Variants in SBNO2 observed in about 807,000 individuals in gnomAD.
The protein encoded by SBNO2 is strawberry notch homolog 2.
Under a neutral mutation model 146.3 loss-of-function variants are expected in SBNO2, and 89 were observed. That is an observed-to-expected ratio of 0.61 (90% CI 0.51 to 0.73). SBNO2 has a LOEUF of 0.73. Among genes scored for constraint, SBNO2 ranks in the 30% least tolerant of loss-of-function variants. SBNO2 has a pLI of 0.00. For synonymous variants in SBNO2, 1,147 were observed against 892.6 expected, an observed-to-expected ratio of 1.29 and a Z score of -5.08; for missense variants, 2,092 against 2,003.7, an observed-to-expected ratio of 1.04 and a Z score of -0.84.
chr19:1,129,585 C>T (rs2080005286), intron 4 of SBNO2, among the ~76,000 whole-genome samples: 1 of 152,190 alleles, frequency 6.6e-6, no homozygotes, highest in African/African-American at 2.4e-5. Context: ...GAGCATTCAT[C>T]CCACTGAGGC....
At chr19:1,128,873 C>T (rs1032220800) in intron 4 of SBNO2, among the ~76,000 whole-genome samples, 3 of 151,416 alleles carry the variant, frequency 2.0e-5, no homozygotes, top group Non-Finnish European at 4.4e-5. Flanking sequence ...GGGGCTGAGG[C>T]GGGAGGATCA....
Position 1,108,292 on chromosome 19 carries a change from C to G in SBNO2, c.4029G>C (p.Ala1343=), listed in dbSNP as rs781014228. Residue 1343 remains alanine (A), a synonymous_variant, in exon 32 of 32, where the codon GCG becomes GCC. Coordinates refer to ENST00000361757, the MANE Select transcript of SBNO2 (RefSeq NM_014963.3). ...LGEGAGAGGA[A]GGGPERQSVI... ...CGCTCTGCCGCTCGGGACCACCGCC[C>G]GCCGCGCCCCCCGCCCCCGCGCCCT... is the stretch of plus-strand genomic sequence containing the variant. The G allele has an allele frequency of 2.1e-4, 308 of 1,496,908 alleles. No homozygotes were observed. Among genetic ancestry groups the G allele is most frequent in the Admixed American group, 6.6e-4 (31 of 46,966 alleles). 92.7% of individuals were successfully genotyped at this position (1,496,908 alleles called of 1,614,324 possible).
Position 1,112,548 on chromosome 19 carries a change from A to G in SBNO2, c.2380-11T>C, listed in dbSNP as rs762741722. On this transcript the variant is annotated splice_polypyrimidine_tract_variant and intron_variant, in intron 20 of 31. Coordinates refer to ENST00000361757, the MANE Select transcript of SBNO2 (RefSeq NM_014963.3). This position sits in a 1 kb window ranked among gnomAD's most constrained non-coding sequence, Gnocchi z 5.9. ...GATGATGGCCACGAGCTAGGGGGAA[A>G]GAAGGGGCCGGGACACGGTTGGTGC... 2 of 1,593,268 alleles carry G rather than the reference A, an allele frequency of 1.3e-6. No homozygotes were observed. The highest frequency in any genetic ancestry group is 8.5e-7 in the Non-Finnish European group (1 of 1,174,870).
In SBNO2 at chr19:1,108,677, C is replaced by G; in HGVS notation, c.3644G>C (p.Arg1215Pro). 2.0e-6 allele frequency: 3 copies of G among 1,532,736 alleles called. No individual in the cohort carries two copies. The highest frequency in any genetic ancestry group is 2.6e-6 in the Non-Finnish European group (3 of 1,147,882). The allele number at this position is 1,532,736 out of a possible 1,614,324, so 94.9% of individuals were successfully genotyped here. Residue 1215 changes from arginine (R) to proline (P), a missense_variant, in exon 32 of 32, where the codon CGC becomes CCC. Coordinates refer to ENST00000361757, the MANE Select transcript of SBNO2 (RefSeq NM_014963.3). ...CAGCCGCAGCTCCTGCAGCACCCGG[C>G]GCACGCAGCCCTCGGGGATCTTGAT... The part of the protein sequence containing the change: ...VGIKIPEGCV[R>P]RVLQELRLMD...
rs982944361 is a variant in SBNO2 at position 1,144,697 on chromosome 19, CAG to C, written c.279+2610_279+2611del. On this transcript the variant is annotated intron_variant, in intron 4 of 31. Coordinates refer to ENST00000361757, the MANE Select transcript of SBNO2 (RefSeq NM_014963.3). This position sits in a 1 kb window ranked among gnomAD's most constrained non-coding sequence, Gnocchi z 4.1. ...ACGAAGACAGAGAGGGCGACAGAGACAGAGAGGGAAACAGACACAGAGGCAGA... is the reference window on the plus strand; with the variant it reads ...ACGAAGACAGAGAGGGCGACAGAGACAGAGGGAAACAGACACAGAGGCAGA... Among the ~76,000 whole-genome samples the C allele has an allele frequency of 7.2e-6, 1 of 138,834 alleles. No homozygotes were observed. Among genetic ancestry groups the C allele is most frequent in the East Asian group, 2.2e-4 (1 of 4,620 alleles). The allele number at this position is 138,834 out of a possible 152,430, so 91.1% of individuals were successfully genotyped here.
In SBNO2 at chr19:1,109,361, C is replaced by G. The variant is rs1054165729; in HGVS notation, c.3279G>C (p.Val1093=). The G allele has an allele frequency of 1.3e-6, 2 of 1,588,128 alleles. No individual in the cohort carries two copies. Among genetic ancestry groups the G allele is most frequent in the Non-Finnish European group, 8.6e-7 (1 of 1,168,272 alleles). ...AEQNRGQFFT[V]YKPNIGRQSQ... ...TCTGCCGGCCGATGTTGGGCTTGTA[C>G]ACCGTGAAGAACTGGCCGCGGTTCT... is the stretch of plus-strand genomic sequence containing the variant. Residue 1093 remains valine, a synonymous_variant, in exon 29 of 32, where the codon GTG becomes GTC. Transcript: ENST00000361757. This position sits in a 1 kb window ranked among gnomAD's most constrained non-coding sequence, Gnocchi z 4.2.
At position 1,150,714 on chromosome 19, in the gene SBNO2, T is replaced by TC. The variant is rs1276885772; in HGVS notation, c.94-1273dup. On this transcript the variant is annotated intron_variant, in intron 2 of 31. Transcript: ENST00000361757. This position sits in a 1 kb window ranked among gnomAD's most constrained non-coding sequence, Gnocchi z 6.2. ...TCTCCCAGGCCCACGTGAGCCCTGCTCCTCTATGAGGCCCTGATGCAATTC... is the reference window on the plus strand; with the variant it reads ...TCTCCCAGGCCCACGTGAGCCCTGCTCCCTCTATGAGGCCCTGATGCAATTC... Among the ~76,000 whole-genome samples, 1 of 152,076 alleles carries TC rather than the reference T, an allele frequency of 6.6e-6. No homozygotes were observed. The highest frequency in any genetic ancestry group is 1.5e-5 in the Non-Finnish European group (1 of 67,982).
intron 1 of SBNO2, among the ~76,000 whole-genome samples, chr19:1,167,795 C>T (rs2080440145): frequency 1.3e-5 from 2 of 152,324 alleles, no homozygotes; most frequent in South Asian, 4.1e-4. Context: ...AGGTCTCAGC[C>T]TGCGGTCAGG....
intron 4 of SBNO2, among the ~76,000 whole-genome samples, chr19:1,133,630 G>A (rs2080056664): frequency 6.6e-6 from 1 of 152,174 alleles, no homozygotes; most frequent in Non-Finnish European, 1.5e-5. Context: ...CGAGGGGCCC[G>A]CCTGCCAGGC....
chr19:1,111,055 G>A lies in SBNO2; in HGVS notation c.2848C>T (p.Arg950Trp), dbSNP rs373256042. ...TCCAGGCAGCCATTCCGGGACTCCCGGCCACCAATGCCCACAGACAGCAGG... is the reference window on the plus strand; with the variant it reads ...TCCAGGCAGCCATTCCGGGACTCCCAGCCACCAATGCCCACAGACAGCAGG... ...QGLLSVGIGG[R>W]ESRNGCLDVE... Residue 950 changes from arginine to tryptophan, a missense_variant, in exon 25 of 32, where the codon CGG becomes TGG. By Grantham distance (101) the Arg-to-Trp change is moderately radical. Transcript: ENST00000361757. 20 of 1,565,368 alleles carry A rather than the reference G, an allele frequency of 1.3e-5. No individual in the cohort carries two copies. The highest frequency in any genetic ancestry group is 1.7e-4 in the Middle Eastern group (1 of 6,028).
rs1324860107 is a variant in SBNO2, at chr19:1,112,084, G to A, written c.2629-17C>T. 1.2e-6 allele frequency: 2 copies of A among 1,612,136 alleles called. No homozygotes were observed. Among genetic ancestry groups the A allele is most frequent in the East Asian group, 4.5e-5 (2 of 44,876 alleles). ...CAGGGCCCCCTGCCAGGGGTGGGGAGGCCATCAGTTGGTCACCTGGGGTCT... is the reference window on the plus strand; with the variant it reads ...CAGGGCCCCCTGCCAGGGGTGGGGAAGCCATCAGTTGGTCACCTGGGGTCT... On this transcript the variant is annotated splice_polypyrimidine_tract_variant and intron_variant, in intron 22 of 31. Coordinates refer to ENST00000361757, the MANE Select transcript of SBNO2 (RefSeq NM_014963.3). This position sits in a 1 kb window ranked among gnomAD's most constrained non-coding sequence, Gnocchi z 5.9.
chr19:1,124,635 C>T (rs1228823672), intron 5 of SBNO2, among the ~76,000 whole-genome samples: 2 of 152,186 alleles, frequency 1.3e-5, no homozygotes, highest in African/African-American at 2.4e-5. Context: ...GCAGCACCTC[C>T]TCTGTGAGAG....
rs2080268051 is a variant in SBNO2, at chr19:1,154,216, C to T, written c.61G>A (p.Gly21Ser). The T allele has an allele frequency of 1.6e-6, 2 of 1,258,466 alleles. No homozygotes were observed. The highest frequency in any genetic ancestry group is 3.7e-5 in the Admixed American group (1 of 26,860). 78.0% of individuals were successfully genotyped at this position (1,258,466 alleles called of 1,614,324 possible). ...DYPQHEPPPA[G>S]SLLYSPPPLQ... Reference sequence around the variant, plus strand: ...GGCGGCGGGCTGTACAGGAGGCTGCCCGCCGGCGGGGGTTCATGCTGCGGG... The same window carrying T: ...GGCGGCGGGCTGTACAGGAGGCTGCTCGCCGGCGGGGGTTCATGCTGCGGG... The change falls in exon 2 of 32, where the codon GGC (glycine) becomes AGC (serine). Residue 21 changes from glycine to serine, a missense_variant. Coordinates refer to ENST00000361757, the MANE Select transcript of SBNO2 (RefSeq NM_014963.3).
At position 1,126,269 on chromosome 19, in the gene SBNO2, C is replaced by T. The variant is rs557096016; in HGVS notation, c.441+1335G>A. On this transcript the variant is annotated intron_variant, in intron 5 of 31. Transcript: ENST00000361757. The surrounding 1 kb of genome is among the most constrained non-coding windows in gnomAD (Gnocchi z 4.4). ...GAAACCTATACTCAGTTGCCCTCTC[C>T]TTTTTTTTTTAAGTTAACAAAACAC... Among the ~76,000 whole-genome samples the T allele has an allele frequency of 5.4e-5, 8 of 148,906 alleles. No homozygotes were observed. The South Asian group carries it at 1.5e-3, about 28-fold the overall frequency.
rs568846240 is a variant in SBNO2 at position 1,127,773 on chromosome 19, A to C, written c.280-8T>G. Reference sequence around the variant, plus strand: ...CTCAAAATAGGAGGAGTCCTGGAAGACAAGGCCAGGCCCGGTGAGGGTGGT... The same window carrying C: ...CTCAAAATAGGAGGAGTCCTGGAAGCCAAGGCCAGGCCCGGTGAGGGTGGT... On this transcript the variant is annotated splice_polypyrimidine_tract_variant and splice_region_variant and intron_variant, in intron 4 of 31. Coordinates refer to ENST00000361757, the MANE Select transcript of SBNO2 (RefSeq NM_014963.3). 98 of 1,612,260 alleles carry C rather than the reference A, an allele frequency of 6.1e-5. No homozygotes were observed. The highest frequency in any genetic ancestry group is 8.1e-5 in the Non-Finnish European group (95 of 1,178,966).
At chr19:1,148,530 G>C (rs1483479701) in intron 3 of SBNO2, among the ~76,000 whole-genome samples, 1 of 14,016 alleles carries the variant, frequency 7.1e-5, no homozygotes, top group African/African-American at 3.9e-4. Flanking sequence ...CTTCACCCCA[G>C]AAAACCTCCC....
chr19:1,142,239 T>TCCC (rs1312263515), intron 4 of SBNO2, among the ~76,000 whole-genome samples: 2 of 1,680 alleles, frequency 1.2e-3, no homozygotes, highest in African/African-American at 3.8e-3. Context: ...ATGACCTCCC[T>TCCC]CACGATCAAC....
chr19:1,153,108 G>A (rs1430213801), intron 2 of SBNO2, among the ~76,000 whole-genome samples: 1 of 151,400 alleles, frequency 6.6e-6, no homozygotes, highest in African/African-American at 2.4e-5. Flanking sequence ...AGCCGAGATC[G>A]CACCACTGCA....
chr19:1,116,422 G>A (rs1160933638), intron 16 of SBNO2, among the ~76,000 whole-genome samples: 2 of 151,012 alleles, frequency 1.3e-5, no homozygotes, highest in Non-Finnish European at 1.5e-5. Flanking sequence ...GGGGAGCTCC[G>A]ACCCCCAGGC....
Sources: gnomAD v4.1 joint callset for allele counts (sites outside exome capture counted in the v4.1 genomes callset) on GRCh38, gnomAD v4.1.1 for gene constraint, Gnocchi (gnomAD v3.1) non-coding constraint, MANE v1.5 for transcripts, NCBI Gene and HGNC (gene_info 2026-07-23, HGNC 2026-07-21) for gene names.